SYT16: variants seen among roughly 807,000 people sequenced by gnomAD.
SYT16 encodes the protein synaptotagmin-16.
A neutral mutation model predicts 61.4 loss-of-function variants in SYT16; 42 were observed. The ratio of observed to expected loss-of-function variants is 0.68; its 90% CI spans 0.53 to 0.89. The LOEUF is 0.89. SYT16 is among the 40% of genes least tolerant of loss of function. The pLI, the probability that SYT16 is intolerant of heterozygous loss-of-function variation, is 0.00. For missense variants in SYT16, 804 were observed against 807.3 expected (o/e 1.00, Z 0.05); for synonymous variants, 314 against 302.3 (o/e 1.04, Z -0.40).
At chr14:61,993,402 C>T (rs2052637837) in intron 2 of SYT16, among the ~76,000 whole-genome samples, 1 of 151,972 alleles carries the variant, frequency 6.6e-6, no homozygotes, top group Non-Finnish European at 1.5e-5. Context: ...CACGTCTGCA[C>T]ATGTATCCCA....
intron 2 of SYT16, among the ~76,000 whole-genome samples, chr14:61,975,146 A>T (rs987709063): frequency 6.6e-6 from 1 of 152,248 alleles, no homozygotes; most frequent in African/African-American, 2.4e-5. Context: ...TAAATTGAGA[A>T]TATTAGATAA....
chr14:61,842,775 G>T (rs926638225), intron 1 of SYT16, among the ~76,000 whole-genome samples: 11 of 151,360 alleles, frequency 7.3e-5, no homozygotes, highest in African/African-American at 2.2e-4. Context: ...GGGACTGTTA[G>T]GGGGTGGGGG....
At chr14:61,831,687 C>T (rs1296292034) in intron 1 of SYT16, among the ~76,000 whole-genome samples, 1 of 151,600 alleles carries the variant, frequency 6.6e-6, no homozygotes, top group African/African-American at 2.4e-5. Flanking sequence ...CACCTTGTCT[C>T]TGGTACTTTC....
At chr14:62,031,227 G>A (rs1350986889) in intron 3 of SYT16, among the ~76,000 whole-genome samples, 1 of 152,174 alleles carries the variant, frequency 6.6e-6, no homozygotes, top group Non-Finnish European at 1.5e-5. Context: ...ACACAACCAT[G>A]CCTTTAAAAC....
chr14:61,854,436 G>A (rs113478805), intron 1 of SYT16, among the ~76,000 whole-genome samples: 6 of 152,188 alleles, frequency 3.9e-5, no homozygotes, highest in East Asian at 1.9e-4. Context: ...ACACACGCGC[G>A]CACGCGCGTG....
intron 7 of SYT16, among the ~76,000 whole-genome samples, chr14:62,085,597 C>T (rs937011354): frequency 6.6e-6 from 1 of 152,156 alleles, no homozygotes; most frequent in African/African-American, 2.4e-5. Context: ...AATCTGGGCT[C>T]TCACTCTTTT....
intron 7 of SYT16, among the ~76,000 whole-genome samples, chr14:62,089,163 C>A (rs944916534): frequency 6.6e-6 from 1 of 151,708 alleles, no homozygotes; most frequent in African/African-American, 2.4e-5. Context: ...ACTAAAAATA[C>A]AAAAAATTAG....
chr14:61,864,344 G>T (rs577736636), intron 1 of SYT16, among the ~76,000 whole-genome samples: 1 of 152,246 alleles, frequency 6.6e-6, no homozygotes, highest in Non-Finnish European at 1.5e-5. Context: ...TTTCGGTGTT[G>T]CAGCTGCCGC....
chr14:61,821,658 A>G (rs2045622540), intron 1 of SYT16, among the ~76,000 whole-genome samples: 2 of 152,220 alleles, frequency 1.3e-5, no homozygotes, highest in African/African-American at 4.8e-5. Context: ...CCAGCAAGGG[A>G]GAAAGTCTGC....
At chr14:62,068,285 T>C (rs2056146784) in intron 3 of SYT16, among the ~76,000 whole-genome samples, 1 of 152,128 alleles carries the variant, frequency 6.6e-6, no homozygotes. Flanking sequence ...TGAATGGAAC[T>C]GGAGGACATT....
At chr14:61,852,998 A>C (rs1470192508) in intron 1 of SYT16, among the ~76,000 whole-genome samples, 1 of 152,126 alleles carries the variant, frequency 6.6e-6, no homozygotes, top group Non-Finnish European at 1.5e-5. Flanking sequence ...GGCTTACTGC[A>C]ACCTCCACCT....
chr14:62,029,331 G>A (rs2054221722), intron 3 of SYT16, among the ~76,000 whole-genome samples: 1 of 152,192 alleles, frequency 6.6e-6, no homozygotes, highest in South Asian at 2.1e-4. Flanking sequence ...TTGGGTGAAT[G>A]TGGGAGGAAA....
intron 3 of SYT16, among the ~76,000 whole-genome samples, chr14:62,033,527 T>C (rs1434390664): frequency 1.3e-5 from 2 of 152,140 alleles, no homozygotes; most frequent in African/African-American, 4.8e-5. Flanking sequence ...TGAGTTGTTT[T>C]ACAAGTTCAT....
intron 1 of SYT16, among the ~76,000 whole-genome samples, chr14:61,929,145 G>T (rs1242235883): frequency 6.6e-6 from 1 of 152,202 alleles, no homozygotes; most frequent in Non-Finnish European, 1.5e-5. Flanking sequence ...AGTTCAGGCT[G>T]TTTTGATGTA....
chr14:61,980,841 T>C (rs757370210), intron 2 of SYT16, among the ~76,000 whole-genome samples: 48 of 152,200 alleles, frequency 3.2e-4, no homozygotes, highest in Non-Finnish European at 8.8e-5. Context: ...TAGATAGGAC[T>C]GAGACCATCT....
intron 1 of SYT16, among the ~76,000 whole-genome samples, chr14:61,889,595 T>C (rs1219543287): frequency 6.6e-6 from 1 of 152,004 alleles, no homozygotes; most frequent in African/African-American, 2.4e-5. Context: ...GCTCCCTCTC[T>C]CTCTCTCTCT....
At chr14:61,832,186 C>A (rs1188518104) in intron 1 of SYT16, 1 of 658,356 alleles carries the variant, frequency 1.5e-6, no homozygotes, top group Non-Finnish European at 2.9e-6. Context: ...TTCTTCTTCA[C>A]GGCTTTCTGT....
intron 3 of SYT16, among the ~76,000 whole-genome samples, chr14:62,050,032 T>G (rs1018239393): frequency 4.6e-5 from 7 of 152,212 alleles, no homozygotes; most frequent in Admixed American, 1.3e-4. Context: ...TTGCTAGATT[T>G]GGGAAGTTCT....
intron 7 of SYT16, among the ~76,000 whole-genome samples, chr14:62,085,958 G>T (rs1008406608): frequency 3.3e-5 from 5 of 152,140 alleles, no homozygotes. Flanking sequence ...CTGAGATCAG[G>T]TAAAGTCTGA....
Sources: gnomAD v4.1 joint callset for allele counts (sites outside exome capture counted in the v4.1 genomes callset) on GRCh38, gnomAD v4.1.1 for gene constraint, MANE v1.5 for transcripts, NCBI Gene and HGNC (gene_info 2026-07-23, HGNC 2026-07-21) for gene names.